Variants in PRDM10 observed in about 807,000 individuals in gnomAD.
The protein encoded by PRDM10 is PR domain zinc finger protein 10.
Under a neutral mutation model 133.1 loss-of-function variants are expected in PRDM10, and 65 were observed. The ratio of observed to expected loss-of-function variants is 0.49; its 90% CI spans 0.40 to 0.60. The LOEUF (loss-of-function observed/expected upper bound fraction) is 0.60. PRDM10 is among the 20% of genes least tolerant of loss of function. PRDM10 has a pLI of 0.00. For missense variants in PRDM10, 1,137 were observed against 1,507.1 expected, an observed-to-expected ratio of 0.75 and a Z score of 4.07; for synonymous variants, 582 against 580.4, an observed-to-expected ratio of 1.00 and a Z score of -0.04.
intron 1 of PRDM10, among the ~76,000 whole-genome samples, chr11:129,965,400 C>T (rs796551864): frequency 2.4e-4 from 36 of 152,224 alleles, no homozygotes; most frequent in African/African-American, 8.2e-4. Flanking sequence ...TTACAGGAGA[C>T]AGTAGAAGAA....
intron 1 of PRDM10, among the ~76,000 whole-genome samples, chr11:129,983,373 C>T (rs978052659): frequency 4.6e-5 from 7 of 151,486 alleles, no homozygotes; most frequent in African/African-American, 1.5e-4. Flanking sequence ...CAGCTCACTG[C>T]AAGCTCTGCC....
chr11:129,935,323 G>A (rs962887571), intron 8 of PRDM10, 105 bp from the exon 9 acceptor site: 28 of 826,712 alleles, frequency 3.4e-5, no homozygotes, highest in Non-Finnish European at 4.1e-6. Context: ...AGCCCAAAGA[G>A]TTCATAACTA....
chr11:129,991,514 T>G (rs2135994272), intron 1 of PRDM10, among the ~76,000 whole-genome samples: 1 of 152,084 alleles, frequency 6.6e-6, no homozygotes, highest in Non-Finnish European at 1.5e-5. Flanking sequence ...TGAAACCCTG[T>G]CTCTACTAAA....
chr11:129,951,258 G>C (rs1951574619), intron 4 of PRDM10, among the ~76,000 whole-genome samples: 1 of 152,202 alleles, frequency 6.6e-6, no homozygotes, highest in Admixed American at 6.5e-5. Context: ...ACGCTCCTAA[G>C]TGGCAGAGAT....
intron 4 of PRDM10, among the ~76,000 whole-genome samples, chr11:129,948,985 G>A (rs1019859230): frequency 6.6e-6 from 1 of 152,098 alleles, no homozygotes; most frequent in Non-Finnish European, 1.5e-5. Context: ...ACTTAAATGG[G>A]GGATTTTGCA....
chr11:129,971,369 A>G (rs955951790), intron 1 of PRDM10, among the ~76,000 whole-genome samples: 16 of 152,116 alleles, frequency 1.1e-4, no homozygotes, highest in African/African-American at 2.7e-4. Flanking sequence ...TGATTGGTGC[A>G]TTTACAATCC....
At chr11:129,915,262 C>A (rs1950321208) in intron 16 of PRDM10, among the ~76,000 whole-genome samples, 1 of 151,630 alleles carries the variant, frequency 6.6e-6, no homozygotes, top group Non-Finnish European at 1.5e-5. Flanking sequence ...CAATACCCCC[C>A]CCAAATAGTA....
At chr11:129,953,807 ACAGCATTCTTTATAGTAG>A (rs1951639449) in intron 4 of PRDM10, among the ~76,000 whole-genome samples, 1 of 144,772 alleles carries the variant, frequency 6.9e-6, no homozygotes, top group Admixed American at 7.0e-5. Flanking sequence ...GATGTCCATG[ACAGCATTCTTTATAGTAG>A]CAAAAAAAAA....
intron 1 of PRDM10, among the ~76,000 whole-genome samples, chr11:129,967,196 C>A (rs1315555718): frequency 6.6e-6 from 1 of 152,072 alleles, no homozygotes; most frequent in Non-Finnish European, 1.5e-5. Flanking sequence ...CGAGACCAGC[C>A]TGGCCAACAT....
rs1949830378 is a variant in PRDM10, at chr11:129,901,007, T to C, written c.*1306A>G. 1 of 152,662 alleles carries C rather than the reference T, an allele frequency of 6.6e-6. No homozygotes were observed. The highest frequency in any genetic ancestry group is 2.1e-4 in the South Asian group (1 of 4,834). 9.5% of individuals were successfully genotyped at this position (152,662 alleles called of 1,614,324 possible). A position where few individuals can be genotyped will look rare whatever the true frequency, so the allele number is the denominator to read the frequency against. On this transcript the variant is annotated 3_prime_UTR_variant, in exon 21 of 21. Transcript: ENST00000360871. The stretch of plus-strand genomic sequence containing the variant: ...CATTTGAAATGAAGTAAGGTCTTTC[T>C]GTTCTGGAGTAATAAATTCTACTAT...
At chr11:129,938,878 G>A (rs7928014) in intron 7 of PRDM10, among the ~76,000 whole-genome samples, 45,320 of 152,016 alleles carry the variant, frequency 0.3, 6,885 homozygotes, top group Non-Finnish European at 0.33. Context: ...CCTGACCCAC[G>A]CTTCAGTCAA....
chr11:129,976,317 G>A (rs1301943765), intron 1 of PRDM10, among the ~76,000 whole-genome samples: 1 of 152,126 alleles, frequency 6.6e-6, no homozygotes, highest in Non-Finnish European at 1.5e-5. Context: ...CCACCATCAA[G>A]CAAAGGCTGT....
Position 129,918,462 on chromosome 11 carries a change from A to G in PRDM10, c.2214+77T>C. 6.6e-7 allele frequency: 1 copy of G among 1,504,596 alleles called. No homozygotes were observed. Among genetic ancestry groups the G allele is most frequent in the Non-Finnish European group, 9.0e-7 (1 of 1,115,232 alleles). 93.2% of individuals were successfully genotyped at this position (1,504,596 alleles called of 1,614,324 possible). A position where few individuals can be genotyped will look rare whatever the true frequency, so the allele number is the denominator to read the frequency against. On this transcript the variant is annotated intron_variant, in intron 14 of 20. Coordinates refer to ENST00000360871, the MANE Select transcript of PRDM10 (RefSeq NM_199437.2). This position sits in a 1 kb window ranked among gnomAD's most constrained non-coding sequence, Gnocchi z 5.3. The stretch of plus-strand genomic sequence containing the variant: ...ATCGATATAACTTAGGACACAATGC[A>G]ACACAAACGTCACCATCATCGACAG...
chr11:129,971,325 T>C (rs970853147), intron 1 of PRDM10, among the ~76,000 whole-genome samples: 5 of 152,190 alleles, frequency 3.3e-5, no homozygotes, highest in African/African-American at 7.2e-5. Context: ...TCCTGCTGAT[T>C]GGTAGAGCCC....
chr11:129,963,382 G>GAAGAGAAGAGAAGAGA, intron 1 of PRDM10, among the ~76,000 whole-genome samples: 1 of 74,642 alleles, frequency 1.3e-5, no homozygotes, highest in Middle Eastern at 5.5e-3. Flanking sequence ...AAAGAAAAAA[G>GAAGAGAAGAGAAGAGA]AGAGAAGAGA....
chr11:129,994,237 G>A (rs1341713270), intron 1 of PRDM10, among the ~76,000 whole-genome samples: 5 of 152,124 alleles, frequency 3.3e-5, no homozygotes, highest in African/African-American at 7.2e-5. Context: ...TTGGGAGGCC[G>A]AGGCGGGTGG....
In PRDM10 at chr11:129,929,358, G is replaced by A. The variant is rs926989080; in HGVS notation, c.1530+1658C>T. 1.7e-4 allele frequency: 260 copies of A among 1,536,914 alleles called. 1 individual carries two copies. The highest frequency in any genetic ancestry group is 8.2e-4 in the Admixed American group (40 of 48,530). ...AAGTACAGGTTGCAAAGAACAGCAG[G>A]TCAGGCAAACAAGTAACATTCTGTT... is the stretch of plus-strand genomic sequence containing the variant. On this transcript the variant is annotated intron_variant, in intron 11 of 20. Coordinates refer to ENST00000360871, the MANE Select transcript of PRDM10 (RefSeq NM_199437.2).
rs943994914 is a variant in PRDM10, at chr11:129,900,947, C to A, written c.*1366G>T. ...AAGCTACTCTACTTAATTTATAGAACCAGTTTTTACCCAGAAATGTAAATT... is the reference window on the plus strand; with the variant it reads ...AAGCTACTCTACTTAATTTATAGAAACAGTTTTTACCCAGAAATGTAAATT... On this transcript the variant is annotated 3_prime_UTR_variant, in exon 21 of 21. Coordinates refer to ENST00000360871, the MANE Select transcript of PRDM10 (RefSeq NM_199437.2). The A allele has an allele frequency of 6.6e-6, 1 of 152,586 alleles. No individual in the cohort carries two copies. Among genetic ancestry groups the A allele is most frequent in the Non-Finnish European group, 1.5e-5 (1 of 68,044 alleles). 9.5% of individuals were successfully genotyped at this position (152,586 alleles called of 1,614,324 possible). A position where few individuals can be genotyped will look rare whatever the true frequency, so the allele number is the denominator to read the frequency against.
chr11:129,904,014 TC>T (rs1307142146), intron 20 of PRDM10, among the ~76,000 whole-genome samples: 1 of 152,122 alleles, frequency 6.6e-6, no homozygotes, highest in Admixed American at 6.6e-5. Context: ...AATGTCCTGA[TC>T]ATGCCAATAT....
Sources: gnomAD v4.1 joint callset for allele counts (sites outside exome capture counted in the v4.1 genomes callset) on GRCh38, gnomAD v4.1.1 for gene constraint, Gnocchi (gnomAD v3.1) non-coding constraint, MANE v1.5 for transcripts, NCBI Gene and HGNC (gene_info 2026-07-23, HGNC 2026-07-21) for gene names.